Variants in BRD4 observed in about 807,000 individuals in gnomAD.
The protein encoded by BRD4 is bromodomain containing 4, also known as bromodomain-containing protein 4.
Under a neutral mutation model 142.1 loss-of-function variants are expected in BRD4, and 16 were observed. That is an observed-to-expected ratio of 0.11 (90% CI 0.08 to 0.17). The LOEUF is 0.17. BRD4 is among the 10% of genes least tolerant of loss of function. BRD4 has a pLI of 1.00. For synonymous variants in BRD4, 833 were observed against 707.5 expected, an observed-to-expected ratio of 1.18 and a Z score of -2.82; for missense variants, 1,424 against 1,810.9, an observed-to-expected ratio of 0.79 and a Z score of 3.88.
At chr19:15,268,746 C>T (rs556752488) in intron 3 of BRD4, among the ~76,000 whole-genome samples, 159 bp downstream of exon 3, 1 of 152,236 alleles carries the variant, frequency 6.6e-6, no homozygotes, top group Admixed American at 6.5e-5. Flanking sequence ...ACAGGAACAA[C>T]CACAGGTCTC....
chr19:15,303,257 TA>T (rs1372394446), intron 1 of BRD4, among the ~76,000 whole-genome samples: 1 of 152,242 alleles, frequency 6.6e-6, no homozygotes, highest in East Asian at 1.9e-4. Context: ...TACAGACAGT[TA>T]ATCTTGAGAA....
Position 15,274,229 on chromosome 19 carries a change from G to A in BRD4, c.-34-1096C>T, listed in dbSNP as rs564212234. Among the ~76,000 whole-genome samples the A allele has an allele frequency of 2.0e-5, 3 of 152,328 alleles. No homozygotes were observed. In the South Asian group the frequency reaches 6.2e-4, roughly 32 times the overall value. ...GGACACACCAAGTGACTGGACACAA[G>A]TATTGGTAGAAGGACAGCATCACAG... On this transcript the variant is annotated intron_variant, in intron 1 of 19. Coordinates refer to ENST00000679869, the MANE Select transcript of BRD4 (RefSeq NM_001379291.1).
chr19:15,324,207 G>GA (rs2048088791), intron 1 of BRD4, among the ~76,000 whole-genome samples: 1 of 152,172 alleles, frequency 6.6e-6, no homozygotes, highest in African/African-American at 2.4e-5. Context: ...CATGCCTGGG[G>GA]AGGGGGGAAG....
chr19:15,310,238 G>A (rs1449700376), intron 1 of BRD4, among the ~76,000 whole-genome samples: 1 of 122,280 alleles, frequency 8.2e-6, no homozygotes, highest in African/African-American at 3.2e-5. Context: ...TTTTGAAAGA[G>A]AGTCTCACTT....
At chr19:15,251,059 G>A (rs1568381167) in intron 11 of BRD4, among the ~76,000 whole-genome samples, 1 of 152,226 alleles carries the variant, frequency 6.6e-6, no homozygotes, top group African/African-American at 2.4e-5. Flanking sequence ...ATCAGAGGAA[G>A]TGGTAGGGCT....
At chr19:15,270,479 C>A (rs1055312156) in intron 2 of BRD4, among the ~76,000 whole-genome samples, 4 of 152,138 alleles carry the variant, frequency 2.6e-5, no homozygotes, top group Non-Finnish European at 5.9e-5. Flanking sequence ...CCCAAGAGAA[C>A]CAAGTCTGAA....
intron 1 of BRD4, among the ~76,000 whole-genome samples, chr19:15,329,244 C>A (rs1164424932): frequency 1.3e-5 from 2 of 152,098 alleles, no homozygotes; most frequent in African/African-American, 2.4e-5. Context: ...ATTAGGAGCT[C>A]CAATGACAAG....
At chr19:15,245,591 C>A (rs1363182255) in intron 11 of BRD4, among the ~76,000 whole-genome samples, 1 of 152,150 alleles carries the variant, frequency 6.6e-6, no homozygotes, top group East Asian at 1.9e-4. Flanking sequence ...TACTCGAGAG[C>A]CAGCGTGCCC....
chr19:15,296,093 A>G (rs1377357325), intron 1 of BRD4, among the ~76,000 whole-genome samples: 1 of 152,146 alleles, frequency 6.6e-6, no homozygotes, highest in African/African-American at 2.4e-5. Context: ...GTCTCTACTA[A>G]AAATACAAAA....
Position 15,265,397 on chromosome 19 carries a change from T to C in BRD4, c.806A>G (p.Gln269Arg). The C allele has an allele frequency of 6.6e-7, 1 of 1,525,780 alleles. No individual in the cohort carries two copies. Among genetic ancestry groups the C allele is most frequent in the Non-Finnish European group, 8.8e-7 (1 of 1,138,932 alleles). The allele number at this position is 1,525,780 out of a possible 1,614,324, so 94.5% of individuals were successfully genotyped here. A position where few individuals can be genotyped will look rare whatever the true frequency, so the allele number is the denominator to read the frequency against. ...PPPAPAPQPV[Q>R]SHPPIIAATP... ...GGCCGCGATGATGGGTGGGTGGCTCTGTACGGGCTGGGGAGCTGGAGCGGG... is the reference window on the plus strand; with the variant it reads ...GGCCGCGATGATGGGTGGGTGGCTCCGTACGGGCTGGGGAGCTGGAGCGGG... Residue 269 changes from glutamine to arginine, a missense_variant, in exon 5 of 20, where the codon CAG becomes CGG. Transcript: ENST00000679869.
rs557319167 is a variant in BRD4 at position 15,242,814 on chromosome 19, C to G, written c.3169+86G>C. 1.1e-4 allele frequency: 163 copies of G among 1,535,104 alleles called. No individual in the cohort carries two copies. In the African/African-American group the frequency reaches 2.0e-3, roughly 19 times the overall value. ...GCTCTGAACCCACTGCAGCCTGAAG[C>G]ATGAGTTAACCCTTCTGGCTTCCTG... On this transcript the variant is annotated intron_variant, in intron 14 of 19. Coordinates refer to ENST00000679869, the MANE Select transcript of BRD4 (RefSeq NM_001379291.1).
intron 1 of BRD4, among the ~76,000 whole-genome samples, chr19:15,328,253 A>G (rs2048126656): frequency 6.6e-6 from 1 of 152,178 alleles, no homozygotes; most frequent in African/African-American, 2.4e-5. Context: ...ACATAAAATC[A>G]AAATATTTAA....
At chr19:15,265,712 G>A in intron 4 of BRD4, 69 bp from the exon 5 acceptor site, 3 of 1,499,402 alleles carry the variant, frequency 2.0e-6, no homozygotes, top group East Asian at 4.5e-5. Flanking sequence ...ACCTCGTGGG[G>A]ACATACACCA....
intron 1 of BRD4, among the ~76,000 whole-genome samples, chr19:15,295,814 T>C (rs1339926218): frequency 6.6e-6 from 1 of 152,040 alleles, no homozygotes; most frequent in Non-Finnish European, 1.5e-5. Context: ...CTACTAAAAA[T>C]ACAAAAATTA....
intron 1 of BRD4, among the ~76,000 whole-genome samples, chr19:15,318,098 T>C (rs755653187): frequency 3.9e-5 from 6 of 152,226 alleles, no homozygotes; most frequent in Non-Finnish European, 7.3e-5. Flanking sequence ...TTCACGCACA[T>C]GATCTTATTT....
intron 1 of BRD4, among the ~76,000 whole-genome samples, chr19:15,302,668 C>CAAAAA (rs572714842): frequency 8.8e-5 from 5 of 56,794 alleles, no homozygotes; most frequent in Non-Finnish European, 8.8e-5. Flanking sequence ...GACTCCGACT[C>CAAAAA]AAAAAAAAAA....
At chr19:15,325,997 CAAA>C (rs35801340) in intron 1 of BRD4, among the ~76,000 whole-genome samples, 3 of 50,744 alleles carry the variant, frequency 5.9e-5, no homozygotes, top group African/African-American at 1.6e-4. Context: ...GACTCCGTCT[CAAA>C]AAAAAAAAAA....
At chr19:15,256,285 C>A in intron 8 of BRD4, 22 bp from the exon 9 acceptor site, 1 of 1,602,920 alleles carries the variant, frequency 6.2e-7, no homozygotes, top group South Asian at 1.1e-5. Context: ...ACAGGCAAGA[C>A]ACACACTCAG....
chr19:15,279,022 G>A (rs1288803896), intron 1 of BRD4, among the ~76,000 whole-genome samples: 1 of 152,150 alleles, frequency 6.6e-6, no homozygotes, highest in African/African-American at 2.4e-5. Context: ...TGTATTTTTA[G>A]TAGAGATGGG....
Sources: gnomAD v4.1 joint callset for allele counts (sites outside exome capture counted in the v4.1 genomes callset) on GRCh38, gnomAD v4.1.1 for gene constraint, MANE v1.5 for transcripts, NCBI Gene and HGNC (gene_info 2026-07-23, HGNC 2026-07-21) for gene names.